GNRH2: variants seen among roughly 807,000 people sequenced by gnomAD.
GNRH2 encodes the protein gonadotropin releasing hormone 2.
GNRH2 carries 15 observed loss-of-function variants against 12.1 expected under a neutral mutation model. The observed-to-expected ratio is 1.24, with a 90% confidence interval of 0.83 to 1.90. GNRH2 has a LOEUF of 1.90. GNRH2 is among the 40% of genes most tolerant of loss of function. The pLI, the probability that GNRH2 is intolerant of heterozygous loss-of-function variation, is 0.00. For synonymous variants in GNRH2, 60 were observed against 62.0 expected (o/e 0.97, Z 0.15); for missense variants, 143 against 141.4 (o/e 1.01, Z -0.06).
chr20:3,044,547 C>T lies in GNRH2; in HGVS notation c.133C>T (p.Gln45Ter), dbSNP rs2065966817. The change falls in exon 2 of 4, where the codon CAG becomes TAG. Residue 45 changes from glutamine to a stop codon, truncating the protein, a stop_gained. Coordinates refer to ENST00000359100, the MANE Select transcript of GNRH2 (RefSeq NM_178331.2). LOFTEE classifies it high-confidence loss of function. ...KRALSSAQDP[Q>*]NALRPPAGSP... ...AGCCCTCAGCTCAGCCCAGGATCCCCAGAATGCCCTTAGGCCCCCAGGTGG... is the reference window on the plus strand; with the variant it reads ...AGCCCTCAGCTCAGCCCAGGATCCCTAGAATGCCCTTAGGCCCCCAGGTGG... 1 of 1,613,744 alleles carries T rather than the reference C, an allele frequency of 6.2e-7. No homozygotes were observed. The highest frequency in any genetic ancestry group is 1.7e-5 in the Admixed American group (1 of 60,006).
intron 3 of GNRH2, 44 bp from the exon 4 acceptor site, chr20:3,045,642 G>C: frequency 1.3e-6 from 2 of 1,546,008 alleles, no homozygotes; most frequent in South Asian, 2.2e-5. Context: ...CGGCGGTTAC[G>C]AGACCAGTGT....
In GNRH2 at chr20:3,044,555, C is replaced by T; in HGVS notation, c.141C>T (p.Ala47=). The change falls in exon 2 of 4, where the codon GCC becomes GCT. Residue 47 remains alanine, a synonymous_variant. Transcript: ENST00000359100. ...ALSSAQDPQN[A]LRPPAGSPVQ... is the part of the protein sequence containing the mutation. ...GCTCAGCCCAGGATCCCCAGAATGC[C>T]CTTAGGCCCCCAGGTGGGTGTCTCC... 1 of 1,613,822 alleles carries T rather than the reference C, an allele frequency of 6.2e-7. No individual in the cohort carries two copies. The highest frequency in any genetic ancestry group is 8.5e-7 in the Non-Finnish European group (1 of 1,179,986).
At chr20:3,044,168 C>T (rs1442876487) in intron 1 of GNRH2, 7 of 503,458 alleles carry the variant, frequency 1.4e-5, no homozygotes, top group Non-Finnish European at 2.5e-5. Context: ...GGCAGGTAGC[C>T]TCTGTGCCCC....
At chr20:3,045,602 A>T in intron 3 of GNRH2, 84 bp from the exon 4 acceptor site, 1 of 1,172,890 alleles carries the variant, frequency 8.5e-7, no homozygotes, top group Non-Finnish European at 1.3e-6. Context: ...GGGGGGGACG[A>T]GAGGGGAGAG....
intron 3 of GNRH2, 124 bp from the exon 4 acceptor site, chr20:3,045,562 C>A (rs1774715178): frequency 1.3e-6 from 1 of 749,696 alleles, no homozygotes. Flanking sequence ...AGGCGGGGGG[C>A]GTCCTGCTGT....
In GNRH2 at chr20:3,045,590, C is replaced by CT. The variant is rs1481812793; in HGVS notation, c.292-95dup. 158 of 1,054,394 alleles carry CT rather than the reference C, an allele frequency of 1.5e-4. 1 individual carries two copies. The highest frequency in any genetic ancestry group is 2.0e-4 in the Non-Finnish European group (139 of 693,180). 65.3% of individuals were successfully genotyped at this position (1,054,394 alleles called of 1,614,324 possible). ...CCTGCTGTGGGAGGCCACATGGGGA[C>CT]TGGGGGGGACGAGAGGGGAGAGAAC... On this transcript the variant is annotated intron_variant, in intron 3 of 3. Transcript: ENST00000359100.
intron 1 of GNRH2, chr20:3,044,141 G>C (rs967389682): frequency 2.2e-6 from 1 of 460,132 alleles, no homozygotes; most frequent in East Asian, 3.4e-5. Context: ...AAGTGGGAGG[G>C]CCCTCAGAGC....
chr20:3,045,309 A>G (rs998485037), intron 3 of GNRH2, among the ~76,000 whole-genome samples: 4 of 152,208 alleles, frequency 2.6e-5, no homozygotes, highest in African/African-American at 9.6e-5. Flanking sequence ...CCAAGACCAT[A>G]GCAGAAGACA....
intron 3 of GNRH2, among the ~76,000 whole-genome samples, chr20:3,045,352 A>G (rs916466090): frequency 1.3e-5 from 2 of 152,222 alleles, no homozygotes; most frequent in African/African-American, 2.4e-5. Context: ...CTGTTTTGCA[A>G]ATCAAACATT....
rs749450349 is a variant in GNRH2 at position 3,044,782 on chromosome 20, G to A, written c.237G>A (p.Arg79=). ...ACGACAGCATGCCCTGGGAGGGCAG[G>A]ACCACGGCCCAGTGGTCCCTTCACA... ...PLDDSMPWEG[R]TTAQWSLHRK... Residue 79 remains arginine (R), a synonymous_variant, in exon 3 of 4, where the codon AGG becomes AGA. Coordinates refer to ENST00000359100, the MANE Select transcript of GNRH2 (RefSeq NM_178331.2). 11 of 1,612,732 alleles carry A rather than the reference G, an allele frequency of 6.8e-6. No individual in the cohort carries two copies. The highest frequency in any genetic ancestry group is 9.3e-6 in the Non-Finnish European group (11 of 1,179,602).
intron 2 of GNRH2, 30 bp downstream of exon 2, chr20:3,044,598 A>C: frequency 1.9e-6 from 3 of 1,611,618 alleles, no homozygotes. Flanking sequence ...ATGGGGAGGA[A>C]GAAAGTGATG....
At position 3,044,767 on chromosome 20, in the gene GNRH2, G is replaced by T. The variant is rs746971111; in HGVS notation, c.222G>T (p.Met74Ile). 3.1e-6 allele frequency: 5 copies of T among 1,612,642 alleles called. No homozygotes were observed. The highest frequency in any genetic ancestry group is 1.3e-5 in the African/African-American group (1 of 74,926). Residue 74 changes from methionine (M) to isoleucine (I), a missense_variant, in exon 3 of 4, where the codon ATG becomes ATT. Coordinates refer to ENST00000359100, the MANE Select transcript of GNRH2 (RefSeq NM_178331.2). Reference protein sequence around the residue: ...SDALAPLDDSMPWEGRTTAQW... With the variant: ...SDALAPLDDSIPWEGRTTAQW... ...CCCTGGCTCCCCTGGACGACAGCAT[G>T]CCCTGGGAGGGCAGGACCACGGCCC...
intron 3 of GNRH2, 49 bp downstream of exon 3, chr20:3,044,885 A>G: frequency 6.6e-7 from 1 of 1,511,016 alleles, no homozygotes; most frequent in East Asian, 2.3e-5. Context: ...ACTGGTCATC[A>G]GAGGCCATTG....
chr20:3,045,661 A>G lies in GNRH2; in HGVS notation c.292-25A>G, dbSNP rs374040208. The G allele has an allele frequency of 9.2e-5, 148 of 1,601,004 alleles. 1 individual carries two copies. In the African/African-American group the frequency reaches 1.6e-3, roughly 17 times the overall value. Reference sequence around the variant, plus strand: ...GGTTACGAGACCAGTGTCCTGAGACATGACCGCCACCTCTCCCTCCGCAGA... The same window carrying G: ...GGTTACGAGACCAGTGTCCTGAGACGTGACCGCCACCTCTCCCTCCGCAGA... On this transcript the variant is annotated intron_variant, in intron 3 of 3. Coordinates refer to ENST00000359100, the MANE Select transcript of GNRH2 (RefSeq NM_178331.2).
Position 3,044,795 on chromosome 20 carries a change from TG to T in GNRH2, c.252del (p.Trp84CysfsTer14). The stretch of plus-strand genomic sequence containing the variant: ...CTGGGAGGGCAGGACCACGGCCCAG[TG>T]GTCCCTTCACAGGAAGCGACACCTG... ...MPWEGRTTAQ[W>X]SLHRKRHLAR... On this transcript the variant is annotated frameshift_variant, in exon 3 of 4. Coordinates refer to ENST00000359100, the MANE Select transcript of GNRH2 (RefSeq NM_178331.2). LOFTEE classifies it low-confidence loss of function (END_TRUNC). 6.2e-7 allele frequency: 1 copy of T among 1,612,464 alleles called. No individual in the cohort carries two copies. The highest frequency in any genetic ancestry group is 8.5e-7 in the Non-Finnish European group (1 of 1,179,314).
intron 3 of GNRH2, among the ~76,000 whole-genome samples, chr20:3,045,322 C>T (rs1029914808): frequency 3.9e-5 from 6 of 152,098 alleles, no homozygotes; most frequent in African/African-American, 1.4e-4. Context: ...AGAAGACAGG[C>T]GTGGGGAAAT....
intron 3 of GNRH2, among the ~76,000 whole-genome samples, chr20:3,045,480 A>C (rs1195452680): frequency 6.6e-6 from 1 of 152,014 alleles, no homozygotes; most frequent in Non-Finnish European, 1.5e-5. Flanking sequence ...AGGCTTGTTT[A>C]GGGTGGACAA....
At position 3,045,686 on chromosome 20, in the gene GNRH2, A is replaced by ACCGCAGC. The variant is rs750290469; in HGVS notation, c.296_302dup (p.Glu102SerfsTer13). 6.2e-7 allele frequency: 1 copy of ACCGCAGC among 1,610,354 alleles called. No homozygotes were observed. The highest frequency in any genetic ancestry group is 2.2e-5 in the East Asian group (1 of 44,626). ...ATGACCGCCACCTCTCCCTCCGCAG[A>ACCGCAGC]CCGCAGCCCGAGAGCCCCGCCCCGC... On this transcript the variant is annotated frameshift_variant and splice_region_variant, in exon 4 of 4. Transcript: ENST00000359100. LOFTEE classifies it low-confidence loss of function (END_TRUNC).
chr20:3,044,286 G>A, intron 1 of GNRH2, 122 bp from the exon 2 acceptor site: 2 of 720,788 alleles, frequency 2.8e-6, no homozygotes, highest in Non-Finnish European at 4.8e-6. Context: ...GGCAGAGAGG[G>A]AAGGGCATAA....
Sources: gnomAD v4.1 joint callset for allele counts (sites outside exome capture counted in the v4.1 genomes callset) on GRCh38, gnomAD v4.1.1 for gene constraint, MANE v1.5 for transcripts, NCBI Gene and HGNC (gene_info 2026-07-23, HGNC 2026-07-21) for gene names.